Variants in SV2B observed in about 807,000 individuals in gnomAD.
The protein encoded by SV2B is synaptic vesicle glycoprotein 2B.
Under a neutral mutation model 73.9 loss-of-function variants are expected in SV2B, and 41 were observed. That is an observed-to-expected ratio of 0.56 (90% CI 0.43 to 0.72). SV2B has a LOEUF of 0.72. SV2B is among the 30% of genes least tolerant of loss of function. SV2B has a pLI of 0.00. For missense variants in SV2B, 764 were observed against 857.8 expected (o/e 0.89, Z 1.37); for synonymous variants, 314 against 314.2 (o/e 1.00, Z 0.01).
chr15:91,101,947 G>A (rs764296440), intron 1 of SV2B: 8 of 152,252 alleles, frequency 5.3e-5, no homozygotes, highest in Non-Finnish European at 1.0e-4. Flanking sequence ...ACAAAGGCAG[G>A]GACTCTGGAA....
intron 2 of SV2B, among the ~76,000 whole-genome samples, chr15:91,237,681 A>C (rs2046843037): frequency 6.6e-6 from 1 of 152,192 alleles, no homozygotes. Context: ...GTTTTTGCTT[A>C]AGACAAAGAC....
intron 9 of SV2B, among the ~76,000 whole-genome samples, chr15:91,278,752 A>G (rs1421593629): frequency 6.6e-6 from 1 of 151,576 alleles, no homozygotes; most frequent in African/African-American, 2.4e-5. Context: ...CTTTAAGCAA[A>G]TTAGGCCCAA....
intron 6 of SV2B, among the ~76,000 whole-genome samples, chr15:91,262,194 G>A (rs1455676214): frequency 6.6e-6 from 1 of 152,100 alleles, no homozygotes; most frequent in Non-Finnish European, 1.5e-5. Flanking sequence ...TTCTCATGGA[G>A]AAAAGAGGGA....
chr15:91,256,618 T>C (rs1474217930), intron 4 of SV2B, among the ~76,000 whole-genome samples: 2 of 152,206 alleles, frequency 1.3e-5, no homozygotes, highest in Non-Finnish European at 2.9e-5. Context: ...GAAAGGCTTT[T>C]TAATTAAAAT....
intron 1 of SV2B, among the ~76,000 whole-genome samples, chr15:91,194,329 G>T (rs996893586): frequency 6.6e-6 from 1 of 152,070 alleles, no homozygotes; most frequent in East Asian, 1.9e-4. Context: ...CATGCCTCTG[G>T]ACCTCAGGAG....
At chr15:91,172,979 C>G (rs1371762153) in intron 1 of SV2B, among the ~76,000 whole-genome samples, 1 of 150,760 alleles carries the variant, frequency 6.6e-6, no homozygotes, top group Admixed American at 6.6e-5. Context: ...GTGGATAAAT[C>G]AATAGCAAGA....
At chr15:91,173,221 C>T (rs1178456453) in intron 1 of SV2B, among the ~76,000 whole-genome samples, 2 of 152,032 alleles carry the variant, frequency 1.3e-5, no homozygotes, top group African/African-American at 2.4e-5. Context: ...TAAGGAGGTA[C>T]GAGCGCGGTG....
Position 91,301,148 on chromosome 15 carries a change from G to T in SV2B, c.*8596G>T, listed in dbSNP as rs1255805947. On this transcript the variant is annotated 3_prime_UTR_variant, in exon 13 of 13. Coordinates refer to ENST00000394232, the MANE Select transcript of SV2B (RefSeq NM_001323032.3). The surrounding 1 kb of genome is among the most constrained non-coding windows in gnomAD (Gnocchi z 4.3). ...AAGGAGGGTGCAGGTGATAGGCAAAGGGACCCATTAGCCAGTTTACAATGA... is the reference window on the plus strand; with the variant it reads ...AAGGAGGGTGCAGGTGATAGGCAAATGGACCCATTAGCCAGTTTACAATGA... 1 of 152,282 alleles carries T rather than the reference G, an allele frequency of 6.6e-6. No homozygotes were observed. Among genetic ancestry groups the T allele is most frequent in the African/African-American group, 2.4e-5 (1 of 41,444 alleles). 9.4% of individuals were successfully genotyped at this position (152,282 alleles called of 1,614,324 possible).
chr15:91,273,433 A>G (rs936691718), intron 9 of SV2B, among the ~76,000 whole-genome samples: 1 of 152,214 alleles, frequency 6.6e-6, no homozygotes, highest in South Asian at 2.1e-4. Flanking sequence ...CAGGTCCTGC[A>G]TGGTTCTTGT....
chr15:91,216,077 G>A (rs1198246906), intron 1 of SV2B, among the ~76,000 whole-genome samples: 1 of 152,120 alleles, frequency 6.6e-6, no homozygotes, highest in Non-Finnish European at 1.5e-5. Flanking sequence ...TTAGAAGAAA[G>A]AAGTATTTTT....
intron 1 of SV2B, among the ~76,000 whole-genome samples, chr15:91,176,856 A>C (rs947093848): frequency 6.6e-6 from 1 of 151,814 alleles, no homozygotes; most frequent in Admixed American, 6.6e-5. Context: ...TTTCACTCTG[A>C]TGGTAGTTTC....
At chr15:91,251,358 A>G (rs1207684993) in intron 2 of SV2B, among the ~76,000 whole-genome samples, 1 of 152,270 alleles carries the variant, frequency 6.6e-6, no homozygotes, top group Non-Finnish European at 1.5e-5. Flanking sequence ...TTGGATGGTA[A>G]TAACATAGCC....
chr15:91,131,986 A>G (rs894478686), intron 1 of SV2B, among the ~76,000 whole-genome samples: 1 of 152,134 alleles, frequency 6.6e-6, no homozygotes, highest in African/African-American at 2.4e-5. Context: ...ATAAACAAAC[A>G]AAACTTAGCC....
At position 91,298,939 on chromosome 15, in the gene SV2B, A is replaced by G. The variant is rs1433164368; in HGVS notation, c.*6387A>G. The G allele has an allele frequency of 6.6e-6, 1 of 152,198 alleles. No individual in the cohort carries two copies. The highest frequency in any genetic ancestry group is 2.4e-5 in the African/African-American group (1 of 41,452). 9.4% of individuals were successfully genotyped at this position (152,198 alleles called of 1,614,324 possible). On this transcript the variant is annotated 3_prime_UTR_variant, in exon 13 of 13. Transcript: ENST00000394232. The surrounding 1 kb of genome is among the most constrained non-coding windows in gnomAD (Gnocchi z 5.4). ...ATCTCAGTAATTCAGATTTCTCTAA[A>G]TCAGCATTAGTGATCATTTCAATAG...
rs1392671240 is a variant in SV2B at position 91,290,875 on chromosome 15, A to T, written c.1868+1195A>T. ...GAATATATTAGACAATTAGCCAGGC[A>T]TAGTGGCATGTGCCTGTAGTCCTAG... On this transcript the variant is annotated intron_variant, in intron 12 of 12. Coordinates refer to ENST00000394232, the MANE Select transcript of SV2B (RefSeq NM_001323032.3). This position sits in a 1 kb window ranked among gnomAD's most constrained non-coding sequence, Gnocchi z 4.7. 6.6e-6 allele frequency among the ~76,000 whole-genome samples: 1 copy of T among 152,060 alleles called. No individual in the cohort carries two copies. The highest frequency in any genetic ancestry group is 1.5e-5 in the Non-Finnish European group (1 of 68,012).
rs149976240 is a variant in SV2B at position 91,158,241 on chromosome 15, C to G, written c.-392+57878C>G. On this transcript the variant is annotated intron_variant, in intron 1 of 12. Transcript: ENST00000394232. Reference sequence around the variant, plus strand: ...TGCTGTTGTCTCAATAATAAGTTCTCTCTCTGGCAAGACATGGGTTTCAGC... The same window carrying G: ...TGCTGTTGTCTCAATAATAAGTTCTGTCTCTGGCAAGACATGGGTTTCAGC... 5.4e-3 allele frequency among the ~76,000 whole-genome samples: 818 copies of G among 152,280 alleles called. 4 individuals are homozygous for G. Among genetic ancestry groups the G allele is most frequent in the Middle Eastern group, 0.027 (8 of 294 alleles).
rs1192583753 is a variant in SV2B, at chr15:91,229,600, G to A, written c.451+2886G>A. 6.6e-6 allele frequency among the ~76,000 whole-genome samples: 1 copy of A among 152,116 alleles called. No individual in the cohort carries two copies. Among genetic ancestry groups the A allele is most frequent in the African/African-American group, 2.4e-5 (1 of 41,426 alleles). ...GGCTTCTCTGTGCCTTGGTTTCCTT[G>A]TTTGCAAAATGGAGATAATAATAGT... is the stretch of plus-strand genomic sequence containing the variant. On this transcript the variant is annotated intron_variant, in intron 2 of 12. Transcript: ENST00000394232. This position sits in a 1 kb window ranked among gnomAD's most constrained non-coding sequence, Gnocchi z 4.3.
intron 1 of SV2B, among the ~76,000 whole-genome samples, chr15:91,221,693 G>GCGCACACACACA (rs370290337): frequency 3.6e-5 from 5 of 140,068 alleles, no homozygotes; most frequent in African/African-American, 1.1e-4. Context: ...AAGCATGTGC[G>GCGCACACACACA]CACACACACA....
At chr15:91,176,583 G>T (rs371782510) in intron 1 of SV2B, among the ~76,000 whole-genome samples, 5 of 152,124 alleles carry the variant, frequency 3.3e-5, no homozygotes, top group African/African-American at 9.6e-5. Context: ...GATCGCCATT[G>T]TAACTGGTGT....
Sources: gnomAD v4.1 joint callset for allele counts (sites outside exome capture counted in the v4.1 genomes callset) on GRCh38, gnomAD v4.1.1 for gene constraint, Gnocchi (gnomAD v3.1) non-coding constraint, MANE v1.5 for transcripts, NCBI Gene and HGNC (gene_info 2026-07-23, HGNC 2026-07-21) for gene names.